CDH18: variants seen among roughly 807,000 people sequenced by gnomAD.
The protein encoded by CDH18 is cadherin-18.
CDH18 carries 31 observed loss-of-function variants against 67.9 expected under a neutral mutation model. The observed-to-expected ratio is 0.46, with a 90% CI of 0.34 to 0.62. The LOEUF is 0.62. Ranked by LOEUF, CDH18 falls within the 20% of genes least tolerant of loss-of-function variation. The probability of loss-of-function intolerance (pLI) is 0.01; values close to 1 mark genes in which losing one functional copy is unlikely to be tolerated. For missense variants in CDH18, 890 were observed against 975.5 expected (o/e 0.91, Z 1.17); for synonymous variants, 362 against 347.2 (o/e 1.04, Z -0.48).
intron 1 of CDH18, among the ~76,000 whole-genome samples, chr5:20,263,040 T>C (rs866966412): frequency 4.3e-5 from 2 of 46,648 alleles, no homozygotes; most frequent in African/African-American, 1.7e-4. Flanking sequence ...GGGACAGGGA[T>C]GGGGGGACAG....
At position 20,034,765 on chromosome 5, in the gene CDH18, A is replaced by T. The variant is rs1166317727; in HGVS notation, c.-517-42751T>A. Among the ~76,000 whole-genome samples, 13 of 151,996 alleles carry T rather than the reference A, an allele frequency of 8.6e-5. 1 individual carries two copies. The highest frequency in any genetic ancestry group is 2.4e-5 in the African/African-American group (1 of 41,412). On this transcript the variant is annotated intron_variant, in intron 2 of 14. Transcript: ENST00000507958. ...ACTACTCAACCTTCATAATTGTATG[A>T]ACCAATTACTTACAATAGATCTCTC... is the stretch of plus-strand genomic sequence containing the variant.
In CDH18 at chr5:20,011,763, T is replaced by A. The variant is rs191164249; in HGVS notation, c.-517-19749A>T. Among the ~76,000 whole-genome samples the A allele has an allele frequency of 1.2e-4, 19 of 152,260 alleles. 2 individuals are homozygous for A. The highest frequency in any genetic ancestry group is 1.2e-3 in the Admixed American group (19 of 15,286). ...GAGGAATCACAACTGTTGATTGGCA[T>A]ATGTTGACCCAATTTTGCATACCAG... is the stretch of plus-strand genomic sequence containing the variant. On this transcript the variant is annotated intron_variant, in intron 2 of 14. Coordinates refer to the CDH18 transcript ENST00000507958.
chr5:19,880,606 A>T (rs1228462893), intron 2 of CDH18, among the ~76,000 whole-genome samples: 1 of 152,112 alleles, frequency 6.6e-6, no homozygotes, highest in Non-Finnish European at 1.5e-5. Context: ...AAATGTCAAG[A>T]GATCAATTTG....
At chr5:19,533,545 T>C (rs531223022) in intron 9 of CDH18, among the ~76,000 whole-genome samples, 126 of 152,196 alleles carry the variant, frequency 8.3e-4, no homozygotes, top group Non-Finnish European at 1.7e-3. Flanking sequence ...TTTGCATGAA[T>C]TAATTTTATT....
At chr5:19,556,033 G>T (rs1176302713) in intron 8 of CDH18, among the ~76,000 whole-genome samples, 2 of 152,046 alleles carry the variant, frequency 1.3e-5, no homozygotes, top group Non-Finnish European at 2.9e-5. Context: ...AACAATAATT[G>T]AAGTTTGACT....
rs186980188 is a variant in CDH18 at position 20,473,959 on chromosome 5, T to G, written c.-580+101503A>C. 1.6e-3 allele frequency among the ~76,000 whole-genome samples: 245 copies of G among 152,314 alleles called. 2 individuals are homozygous for G. The highest frequency in any genetic ancestry group is 3.0e-3 in the Non-Finnish European group (203 of 68,020). The stretch of plus-strand genomic sequence containing the variant: ...TTGCCTTATGAATTTGTAAATGCTG[T>G]TCACTAGTAAAAATATCATCCTTTT... On this transcript the variant is annotated intron_variant, in intron 1 of 14. Transcript: ENST00000507958.
At chr5:19,651,253 A>G (rs532134563) in intron 5 of CDH18, among the ~76,000 whole-genome samples, 1 of 152,162 alleles carries the variant, frequency 6.6e-6, no homozygotes, top group Non-Finnish European at 1.5e-5. Context: ...AATGTGTCTG[A>G]GAAGAATAAA....
At chr5:19,983,701 T>TA (rs759918856) in intron 1 of CDH18, among the ~76,000 whole-genome samples, 3 of 152,150 alleles carry the variant, frequency 2.0e-5, no homozygotes, top group Non-Finnish European at 4.4e-5. Context: ...ATGCTCCTCT[T>TA]ACACCTGCTC....
At chr5:19,756,901 G>A (rs1771679629) in intron 3 of CDH18, among the ~76,000 whole-genome samples, 1 of 152,116 alleles carries the variant, frequency 6.6e-6, no homozygotes, top group South Asian at 2.1e-4. Context: ...TCTTCGCTAT[G>A]GGAGAAACAG....
chr5:20,464,480 T>C (rs953404708), intron 1 of CDH18, among the ~76,000 whole-genome samples: 5 of 152,142 alleles, frequency 3.3e-5, no homozygotes, highest in Admixed American at 1.3e-4. Context: ...ATTGTTTATC[T>C]TTACAGGTGA....
At chr5:20,375,391 T>C (rs1421892028) in intron 1 of CDH18, among the ~76,000 whole-genome samples, 1 of 152,158 alleles carries the variant, frequency 6.6e-6, no homozygotes, top group African/African-American at 2.4e-5. Flanking sequence ...TGACAACTGA[T>C]AGCAGTAAGT....
intron 2 of CDH18, among the ~76,000 whole-genome samples, chr5:20,010,448 A>G (rs1737324392): frequency 6.6e-6 from 1 of 151,886 alleles, no homozygotes; most frequent in South Asian, 2.1e-4. Flanking sequence ...GCTTCAAGTG[A>G]TCTGTCCATC....
intron 1 of CDH18, among the ~76,000 whole-genome samples, chr5:20,398,771 G>A (rs1745501537): frequency 3.3e-5 from 5 of 149,778 alleles, no homozygotes; most frequent in African/African-American, 9.9e-5. Context: ...CAGGGCACAC[G>A]TATACCTACG....
At chr5:19,816,459 A>G (rs1164061534) in intron 3 of CDH18, among the ~76,000 whole-genome samples, 1 of 151,906 alleles carries the variant, frequency 6.6e-6, no homozygotes, top group African/African-American at 2.4e-5. Context: ...GCTTTGCTTT[A>G]GCAAAACAGA....
At chr5:20,560,508 CA>C (rs1269172076) in intron 1 of CDH18, among the ~76,000 whole-genome samples, 152 of 150,536 alleles carry the variant, frequency 1.0e-3, no homozygotes, top group Non-Finnish European at 1.7e-3. Flanking sequence ...CACACACACA[CA>C]CACCCCTACA....
chr5:19,763,538 C>T (rs1373635017), intron 3 of CDH18, among the ~76,000 whole-genome samples: 2 of 152,076 alleles, frequency 1.3e-5, no homozygotes, highest in South Asian at 2.1e-4. Flanking sequence ...TTGAGGCATG[C>T]TAAATGTGAT....
At chr5:20,210,014 TA>T (rs1293225384) in intron 2 of CDH18, among the ~76,000 whole-genome samples, 9 of 151,478 alleles carry the variant, frequency 5.9e-5, no homozygotes, top group African/African-American at 2.2e-4. Context: ...TTAATTAAAA[TA>T]ATTTTTTCTC....
chr5:20,543,609 G>T (rs950014327), intron 1 of CDH18, among the ~76,000 whole-genome samples: 1 of 152,048 alleles, frequency 6.6e-6, no homozygotes, highest in African/African-American at 2.4e-5. Flanking sequence ...AAGCTGCCTG[G>T]AGATGTAGGA....
intron 2 of CDH18, among the ~76,000 whole-genome samples, chr5:20,234,936 A>C (rs4866046): frequency 6.6e-6 from 1 of 152,020 alleles, no homozygotes; most frequent in South Asian, 2.1e-4. Context: ...TGGGGAAAGT[A>C]TTCAGTCTAC....
Sources: gnomAD v4.1 joint callset for allele counts (sites outside exome capture counted in the v4.1 genomes callset) on GRCh38, gnomAD v4.1.1 for gene constraint, MANE v1.5 for transcripts, NCBI Gene and HGNC (gene_info 2026-07-23, HGNC 2026-07-21) for gene names.